WNK1: variants seen among roughly 807,000 people sequenced by gnomAD.
WNK1 encodes the protein WNK lysine deficient protein kinase 1, also known as serine/threonine-protein kinase WNK1.
In WNK1, 38 loss-of-function variants were observed where a neutral mutation model predicts 222.8. The ratio of observed to expected loss-of-function variants is 0.17; its 90% confidence interval spans 0.13 to 0.22. The LOEUF (loss-of-function observed/expected upper bound fraction) is 0.22. Ranked by LOEUF, WNK1 falls within the 10% of genes least tolerant of loss-of-function variation. The probability of loss-of-function intolerance (pLI) is 1.00; values close to 1 mark genes in which losing one functional copy is unlikely to be tolerated. For synonymous variants in WNK1, 1,090 were observed against 1,092.9 expected (o/e 1.00, Z 0.05); for missense variants, 2,348 against 2,918.4 (o/e 0.80, Z 4.50).
intron 20 of WNK1, among the ~76,000 whole-genome samples, chr12:888,556 G>A (rs1953893668): frequency 6.6e-6 from 1 of 152,188 alleles, no homozygotes; most frequent in Non-Finnish European, 1.5e-5. Flanking sequence ...ATTAGACTGT[G>A]GAAGGGTAGA....
In WNK1 at chr12:855,981, A is replaced by G. The variant is rs1405020693; in HGVS notation, c.1312-1180A>G. 2.6e-5 allele frequency among the ~76,000 whole-genome samples: 4 copies of G among 151,950 alleles called. No homozygotes were observed. The East Asian group carries it at 5.9e-4, about 22-fold the overall frequency. On this transcript the variant is annotated intron_variant, in intron 4 of 27. Coordinates refer to ENST00000315939, the MANE Select transcript of WNK1 (RefSeq NM_018979.4). ...CAGCCTCCCGAGTAGCTGGGACTACAGGCATGCGCCACCACGCCCATCTAA... is the reference window on the plus strand; with the variant it reads ...CAGCCTCCCGAGTAGCTGGGACTACGGGCATGCGCCACCACGCCCATCTAA...
chr12:861,478 G>C (rs1311122765), intron 7 of WNK1, 135 bp downstream of exon 7: 7 of 786,412 alleles, frequency 8.9e-6, no homozygotes, highest in African/African-American at 1.7e-5. Flanking sequence ...AATGGTTGTC[G>C]TCTAGCTTCT....
At position 896,686 on chromosome 12, in the gene WNK1, A is replaced by G. The variant is rs374523969; in HGVS notation, c.6199A>G (p.Ile2067Val). Reference sequence around the variant, plus strand: ...CATGAGTAGCGACAATGAGTCAGATATCGAAGATGAAGACTTAAAGTTAGA... The same window carrying G: ...CATGAGTAGCGACAATGAGTCAGATGTCGAAGATGAAGACTTAAAGTTAGA... Reference protein sequence around the residue: ...SYMSSDNESDIEDEDLKLELR... With the variant: ...SYMSSDNESDVEDEDLKLELR... Residue 2067 changes from isoleucine (I) to valine (V), a missense_variant, in exon 24 of 28, where the codon ATC (isoleucine) becomes GTC (valine). Around this residue, in one of 13 missense-constraint regions of WNK1, gnomAD observed 1,144 missense variants for 1,273.6 expected, o/e 0.90. Transcript: ENST00000315939. 1.1e-5 allele frequency: 17 copies of G among 1,610,434 alleles called. No individual in the cohort carries two copies. The South Asian group carries it at 1.1e-4, about 10-fold the overall frequency.
In WNK1 at chr12:885,837, T is replaced by C; in HGVS notation, c.5033T>C (p.Leu1678Pro). The C allele has an allele frequency of 1.2e-6, 2 of 1,614,226 alleles. No individual in the cohort carries two copies. Among genetic ancestry groups the C allele is most frequent in the Non-Finnish European group, 1.7e-6 (2 of 1,180,044 alleles). ...SSGAQHASVSLETSLVIESTV... is the reference protein window; with the variant it reads ...SSGAQHASVSPETSLVIESTV... Reference sequence around the variant, plus strand: ...GGAGCTCAGCATGCCTCTGTCTCACTGGAGACCTCACTAGTCATAGAGAGC... The same window carrying C: ...GGAGCTCAGCATGCCTCTGTCTCACCGGAGACCTCACTAGTCATAGAGAGC... The change falls in exon 19 of 28, where the codon CTG becomes CCG. Residue 1678 changes from leucine (L) to proline (P), a missense_variant. This residue lies in a region of WNK1 where 1,144 missense variants were observed against 1,273.6 expected (regional missense o/e 0.90). Coordinates refer to ENST00000315939, the MANE Select transcript of WNK1 (RefSeq NM_018979.4).
chr12:790,554 A>G (rs1944735697), intron 1 of WNK1, among the ~76,000 whole-genome samples: 2 of 152,204 alleles, frequency 1.3e-5, no homozygotes, highest in Non-Finnish European at 2.9e-5. Context: ...AACATTTCCC[A>G]AGGAATCTGT....
At chr12:802,776 A>G (rs1428177305) in intron 1 of WNK1, among the ~76,000 whole-genome samples, 1 of 152,238 alleles carries the variant, frequency 6.6e-6, no homozygotes, top group African/African-American at 2.4e-5. Context: ...ATTTACATAA[A>G]TGAAACTACA....
intron 1 of WNK1, among the ~76,000 whole-genome samples, chr12:767,248 T>G (rs961095486): frequency 9.4e-4 from 57 of 60,826 alleles, no homozygotes; most frequent in Non-Finnish European, 3.7e-4. Flanking sequence ...TTTTTTTTTT[T>G]TTTTTTTTTT....
chr12:829,852 G>A, intron 3 of WNK1, 151 bp from the exon 4 acceptor site: 2 of 767,512 alleles, frequency 2.6e-6, no homozygotes, highest in Non-Finnish European at 4.4e-6. Flanking sequence ...GACTGACTGA[G>A]AAGATTTCCT....
In WNK1 at chr12:889,328, T is replaced by G. The variant is rs141182412; in HGVS notation, c.5448+105T>G. The stretch of plus-strand genomic sequence containing the variant: ...CATTATTAATACCTTTAACATGTAT[T>G]CAGAGTTCCTGCTTATTCTAGCCAA... On this transcript the variant is annotated intron_variant, in intron 21 of 27. Coordinates refer to ENST00000315939, the MANE Select transcript of WNK1 (RefSeq NM_018979.4). The G allele has an allele frequency of 3.1e-4, 305 of 976,808 alleles. 2 individuals are homozygous for G. The East Asian group carries it at 6.7e-3, about 22-fold the overall frequency. The allele number at this position is 976,808 out of a possible 1,614,324, so 60.5% of individuals were successfully genotyped here. A position where few individuals can be genotyped will look rare whatever the true frequency, so the allele number is the denominator to read the frequency against.
intron 4 of WNK1, among the ~76,000 whole-genome samples, chr12:856,585 T>C (rs1195976518): frequency 6.6e-6 from 1 of 152,226 alleles, no homozygotes; most frequent in Non-Finnish European, 1.5e-5. Context: ...ATTGCAGAGC[T>C]TGTCTTTCGT....
chr12:896,173 T>A lies in WNK1; in HGVS notation c.5686T>A (p.Ser1896Thr). Residue 1896 changes from serine (S) to threonine (T), a missense_variant, in exon 24 of 28, where the codon TCA becomes ACA. Ser to Thr is a moderately conservative substitution (Grantham distance 58, BLOSUM62 1). Around this residue, in one of 13 missense-constraint regions of WNK1, gnomAD observed 1,144 missense variants for 1,273.6 expected, o/e 0.90. Coordinates refer to ENST00000315939, the MANE Select transcript of WNK1 (RefSeq NM_018979.4). The part of the protein sequence containing the change: ...ESSTSESSVL[S>T]SSSPESTLVK... ...CAGCACCTCAGAGTCCTCAGTGCTA[T>A]CAAGTAGTAGTCCAGAGAGTACCTT... 1 of 1,614,196 alleles carries A rather than the reference T, an allele frequency of 6.2e-7. No homozygotes were observed. The highest frequency in any genetic ancestry group is 8.5e-7 in the Non-Finnish European group (1 of 1,180,034).
chr12:893,781 C>T (rs11064585), intron 22 of WNK1, among the ~76,000 whole-genome samples: 63,875 of 150,200 alleles, frequency 0.43, 13,925 homozygotes, highest in East Asian at 0.53. Flanking sequence ...CAAGATCGCA[C>T]CACTGCACTG....
chr12:771,107 C>T (rs898821095), intron 1 of WNK1, among the ~76,000 whole-genome samples: 6 of 152,092 alleles, frequency 3.9e-5, no homozygotes, highest in African/African-American at 2.4e-5. Context: ...AAGCGACTCT[C>T]CTGCCTCTGC....
At chr12:900,298 G>A (rs1452750639) in intron 25 of WNK1, among the ~76,000 whole-genome samples, 178 bp from the exon 26 acceptor site, 4 of 152,106 alleles carry the variant, frequency 2.6e-5, no homozygotes, top group Non-Finnish European at 5.9e-5. Flanking sequence ...TATCTATTGA[G>A]TCTTAGTGTC....
At chr12:841,428 G>C (rs947931332) in intron 4 of WNK1, among the ~76,000 whole-genome samples, 4 of 152,194 alleles carry the variant, frequency 2.6e-5, no homozygotes, top group African/African-American at 9.6e-5. Flanking sequence ...CCATGTGGTA[G>C]CATGTATCAG....
intron 1 of WNK1, among the ~76,000 whole-genome samples, chr12:810,308 A>G (rs1251237919): frequency 6.6e-6 from 1 of 152,156 alleles, no homozygotes; most frequent in African/African-American, 2.4e-5. Flanking sequence ...GCAGAAAATG[A>G]TAAGGAGGGA....
chr12:873,294 A>G (rs1952318698), intron 9 of WNK1, among the ~76,000 whole-genome samples: 1 of 152,204 alleles, frequency 6.6e-6, no homozygotes, highest in Admixed American at 6.5e-5. Context: ...ATTGAGTTTC[A>G]TGTTAAGAAA....
chr12:867,455 A>C (rs1344108337), intron 8 of WNK1, among the ~76,000 whole-genome samples: 3 of 152,342 alleles, frequency 2.0e-5, no homozygotes, highest in East Asian at 3.9e-4. Context: ...CACTTCTTAC[A>C]GTATAGAACT....
At chr12:876,465 G>T (rs1205575011) in intron 9 of WNK1, among the ~76,000 whole-genome samples, 2 of 152,136 alleles carry the variant, frequency 1.3e-5, no homozygotes, top group Non-Finnish European at 2.9e-5. Flanking sequence ...AAACATGACT[G>T]CTGTTGCCAT....
Sources: allele counts gnomAD v4.1 joint callset (sites outside exome capture counted in the v4.1 genomes callset), GRCh38; gene constraint gnomAD v4.1.1; regional missense constraint gnomAD v4.1.1; transcripts MANE v1.5; gene names NCBI Gene and HGNC (gene_info 2026-07-23, HGNC 2026-07-21).